The following MARCHF1 variants were observed in gnomAD, a reference collection of about 807,000 sequenced individuals.
MARCHF1 encodes the protein E3 ubiquitin-protein ligase MARCHF1.
MARCHF1 carries 40 observed loss-of-function variants against 54.2 expected under a neutral mutation model. The observed-to-expected ratio is 0.74, with a 90% CI of 0.57 to 0.96. The LOEUF is 0.96. Ranked by LOEUF, MARCHF1 falls within the 40% of genes least tolerant of loss-of-function variation. The pLI, the probability that MARCHF1 is intolerant of heterozygous loss-of-function variation, is 0.00. For synonymous variants in MARCHF1, 236 were observed against 236.3 expected (o/e 1.00, Z 0.01); for missense variants, 586 against 656.5 (o/e 0.89, Z 1.17).
intron 5 of MARCHF1, among the ~76,000 whole-genome samples, chr4:163,626,981 G>T (rs978058057): frequency 6.6e-6 from 1 of 152,042 alleles, no homozygotes; most frequent in Admixed American, 6.6e-5. Flanking sequence ...GGCCAAAAAT[G>T]ATCTGAAAGA....
At chr4:164,210,629 A>G (rs1335064998) in intron 1 of MARCHF1, among the ~76,000 whole-genome samples, 1 of 152,128 alleles carries the variant, frequency 6.6e-6, no homozygotes, top group Non-Finnish European at 1.5e-5. Flanking sequence ...TTATATGAAT[A>G]AAGATAAGAA....
chr4:164,224,810 C>A (rs1057369450), intron 1 of MARCHF1, among the ~76,000 whole-genome samples: 2 of 151,890 alleles, frequency 1.3e-5, no homozygotes, highest in African/African-American at 4.8e-5. Flanking sequence ...AAGTTATATG[C>A]ATACTATTTT....
intron 5 of MARCHF1, among the ~76,000 whole-genome samples, chr4:163,623,780 C>T (rs1741769171): frequency 6.6e-6 from 1 of 152,150 alleles, no homozygotes; most frequent in African/African-American, 2.4e-5. Flanking sequence ...GCATTCTTGT[C>T]TCATTTTCCC....
intron 4 of MARCHF1, among the ~76,000 whole-genome samples, chr4:163,802,484 CTGTT>C: frequency 6.6e-6 from 1 of 152,208 alleles, no homozygotes; most frequent in East Asian, 1.9e-4. Flanking sequence ...ATTACTATGG[CTGTT>C]TGTGTATTTT....
At chr4:163,779,415 T>C (rs1385573657) in intron 4 of MARCHF1, among the ~76,000 whole-genome samples, 1 of 152,212 alleles carries the variant, frequency 6.6e-6, no homozygotes, top group Non-Finnish European at 1.5e-5. Context: ...GTTTAATTAC[T>C]GCCTCTTGTA....
chr4:164,001,847 T>C (rs539582518), intron 2 of MARCHF1, among the ~76,000 whole-genome samples: 1 of 151,954 alleles, frequency 6.6e-6, no homozygotes, highest in South Asian at 2.1e-4. Flanking sequence ...ACACACTAAT[T>C]TGCAAGGTTA....
chr4:164,009,672 C>G (rs1163519150), intron 2 of MARCHF1, among the ~76,000 whole-genome samples: 1 of 151,928 alleles, frequency 6.6e-6, no homozygotes, highest in Non-Finnish European at 1.5e-5. Flanking sequence ...ATCACATTAA[C>G]AGAATCAAGA....
intron 3 of MARCHF1, among the ~76,000 whole-genome samples, chr4:163,903,378 G>C (rs533068803): frequency 6.6e-6 from 1 of 152,206 alleles, no homozygotes; most frequent in East Asian, 1.9e-4. Flanking sequence ...AAATGGTTCA[G>C]TTTGTGATTT....
At chr4:163,835,488 C>T (rs1250768302) in intron 4 of MARCHF1, among the ~76,000 whole-genome samples, 2 of 152,134 alleles carry the variant, frequency 1.3e-5, no homozygotes, top group Non-Finnish European at 2.9e-5. Context: ...CAGGTTTTGG[C>T]CAATAAAATG....
At chr4:164,058,172 G>A (rs1226257443) in intron 2 of MARCHF1, among the ~76,000 whole-genome samples, 1 of 152,124 alleles carries the variant, frequency 6.6e-6, no homozygotes. Flanking sequence ...CCTAATGTAG[G>A]TGATGGGTTG....
intron 2 of MARCHF1, among the ~76,000 whole-genome samples, chr4:164,090,836 GA>G (rs1755282423): frequency 6.6e-6 from 1 of 152,110 alleles, no homozygotes; most frequent in South Asian, 2.1e-4. Flanking sequence ...GCTGGTGGAG[GA>G]GGAGATAACT....
At chr4:163,599,248 C>T (rs1740870161) in intron 7 of MARCHF1, among the ~76,000 whole-genome samples, 1 of 151,098 alleles carries the variant, frequency 6.6e-6, no homozygotes, top group Non-Finnish European at 1.5e-5. Flanking sequence ...CAAGACTGTG[C>T]CACTGCACTC....
intron 1 of MARCHF1, among the ~76,000 whole-genome samples, chr4:164,171,080 A>AT (rs1325082049): frequency 2.6e-5 from 4 of 152,316 alleles, no homozygotes; most frequent in African/African-American, 9.6e-5. Context: ...TTAAATATTC[A>AT]TTTTTTATCA....
intron 5 of MARCHF1, among the ~76,000 whole-genome samples, chr4:163,620,823 G>A (rs1229361668): frequency 6.6e-6 from 1 of 152,174 alleles, no homozygotes; most frequent in African/African-American, 2.4e-5. Flanking sequence ...GATTATACCT[G>A]TGAGTTGGGA....
At chr4:163,763,516 C>G (rs1746889142) in intron 4 of MARCHF1, among the ~76,000 whole-genome samples, 1 of 151,976 alleles carries the variant, frequency 6.6e-6, no homozygotes, top group Non-Finnish European at 1.5e-5. Context: ...CAGAAGTATC[C>G]AAGCCTTTAT....
chr4:163,599,459 A>G (rs1481470518), intron 7 of MARCHF1, among the ~76,000 whole-genome samples: 2 of 151,968 alleles, frequency 1.3e-5, no homozygotes, highest in African/African-American at 4.8e-5. Flanking sequence ...GCAAACACGT[A>G]TGTGCATATT....
At chr4:163,602,407 A>G (rs1741002022) in intron 7 of MARCHF1, among the ~76,000 whole-genome samples, 1 of 152,064 alleles carries the variant, frequency 6.6e-6, no homozygotes, top group Non-Finnish European at 1.5e-5. Context: ...TTCTCATTTT[A>G]TGATCCTATA....
At chr4:163,950,479 C>G (rs970750410) in intron 3 of MARCHF1, among the ~76,000 whole-genome samples, 1 of 152,208 alleles carries the variant, frequency 6.6e-6, no homozygotes, top group Admixed American at 6.5e-5. Context: ...CAGCAGGGGG[C>G]GGCGGTTGCT....
chr4:164,235,126 C>A (rs1732512237), intron 1 of MARCHF1, among the ~76,000 whole-genome samples: 1 of 151,874 alleles, frequency 6.6e-6, no homozygotes, highest in African/African-American at 2.4e-5. Context: ...TTCTTTCTAC[C>A]AAATCATTCA....
Sources: allele counts gnomAD v4.1 joint callset (sites outside exome capture counted in the v4.1 genomes callset), GRCh38; gene constraint gnomAD v4.1.1; transcripts MANE v1.5; gene names NCBI Gene and HGNC (gene_info 2026-07-23, HGNC 2026-07-21).